Variants in GEN1 observed in about 807,000 individuals in gnomAD.
GEN1 encodes the protein flap endonuclease GEN homolog 1.
In GEN1, 64 loss-of-function variants were observed where a neutral mutation model predicts 67.6. The ratio of observed to expected loss-of-function variants is 0.95; its 90% CI spans 0.77 to 1.17. The LOEUF is 1.17. GEN1 is among the 50% of genes most tolerant of loss of function. The pLI is 0.00. For synonymous variants in GEN1, 371 were observed against 359.4 expected (o/e 1.03, Z -0.37); for missense variants, 1,058 against 1,048.3 (o/e 1.01, Z -0.13).
chr2:17,788,311 A>T lies in GEN1; in HGVS notation c.*6372A>T, dbSNP rs1673120537. The T allele has an allele frequency of 6.6e-6, 1 of 152,234 alleles. No homozygotes were observed. The highest frequency in any genetic ancestry group is 6.5e-5 in the Admixed American group (1 of 15,286). The allele number at this position is 152,234 out of a possible 1,614,324, so 9.4% of individuals were successfully genotyped here. On this transcript the variant is annotated 3_prime_UTR_variant, in exon 14 of 14. Coordinates refer to ENST00000381254, the MANE Select transcript of GEN1 (RefSeq NM_001130009.3). ...TTCAGGAACTTGCCACATTGCCTAT[A>T]AACTGACATGCTGCAGAGTCAGCCC...
At chr2:17,768,162 T>C (rs1051172060) in intron 5 of GEN1, among the ~76,000 whole-genome samples, 3 of 152,226 alleles carry the variant, frequency 2.0e-5, no homozygotes, top group African/African-American at 4.8e-5. Context: ...CATACACTTA[T>C]AGGGGCTGGA....
In GEN1 at chr2:17,778,289, CATGTGT is replaced by C. The variant is rs1428138462; in HGVS notation, c.1264+227_1264+232del. On this transcript the variant is annotated intron_variant, in intron 12 of 13. Transcript: ENST00000381254. ...GTGTACATATATGTATATACACACA[CATGTGT>C]GTGTACATATATGTATATACACACA... Among the ~76,000 whole-genome samples, 8 of 90,462 alleles carry C rather than the reference CATGTGT, an allele frequency of 8.8e-5. 2 individuals are homozygous for C. The highest frequency in any genetic ancestry group is 1.3e-4 in the Non-Finnish European group (6 of 45,962). The allele number at this position is 90,462 out of a possible 152,430, so 59.3% of individuals were successfully genotyped here. A position where few individuals can be genotyped will look rare whatever the true frequency, so the allele number is the denominator to read the frequency against.
chr2:17,756,464 T>G (rs1482212765), intron 1 of GEN1, among the ~76,000 whole-genome samples: 1 of 152,192 alleles, frequency 6.6e-6, no homozygotes, highest in Non-Finnish European at 1.5e-5. Context: ...ATATACTTAT[T>G]CATTATAAAA....
intron 11 of GEN1, among the ~76,000 whole-genome samples, chr2:17,777,451 C>G (rs1243808286): frequency 6.6e-6 from 1 of 151,950 alleles, no homozygotes; most frequent in Non-Finnish European, 1.5e-5. Context: ...ACTATCAAAC[C>G]AAAATAATAC....
intron 12 of GEN1, among the ~76,000 whole-genome samples, chr2:17,779,527 T>C (rs1039191677): frequency 1.2e-4 from 18 of 152,282 alleles, no homozygotes; most frequent in East Asian, 1.9e-4. Flanking sequence ...TATAGTGTTA[T>C]AAAGCAAGAT....
At chr2:17,774,138 G>A in intron 10 of GEN1, 133 bp from the exon 11 acceptor site, 1 of 406,828 alleles carries the variant, frequency 2.5e-6, no homozygotes, top group Admixed American at 4.3e-5. Context: ...GAGGCTCATT[G>A]TTTCTAGAAT....
Position 17,781,411 on chromosome 2 carries a change from A to T in GEN1, c.2199A>T (p.Arg733Ser). ...LPGIPLQNES[R>S]DSKILKGDQL... ...GAATTCCCTTGCAAAATGAATCCAG[A>T]GACTCTAAAATTCTAAAAGGAGACC... The change falls in exon 14 of 14, where the codon AGA becomes AGT. Residue 733 changes from arginine (R) to serine (S), a missense_variant. Physicochemically the swap from Arg to Ser is moderately radical, Grantham distance 110. Transcript: ENST00000381254. 1.9e-6 allele frequency: 3 copies of T among 1,613,718 alleles called. No individual in the cohort carries two copies. Among genetic ancestry groups the T allele is most frequent in the Non-Finnish European group, 2.5e-6 (3 of 1,179,904 alleles).
intron 3 of GEN1, among the ~76,000 whole-genome samples, chr2:17,762,567 T>C (rs1268085063): frequency 6.6e-6 from 1 of 152,202 alleles, no homozygotes; most frequent in Non-Finnish European, 1.5e-5. Flanking sequence ...ACATGATTTT[T>C]AACCTAGCCT....
intron 11 of GEN1, among the ~76,000 whole-genome samples, chr2:17,775,640 A>G (rs144350251): frequency 2.6e-5 from 4 of 152,328 alleles, no homozygotes; most frequent in Admixed American, 2.6e-4. Context: ...GCTGCAGAGA[A>G]AGGATAGTCA....
chr2:17,762,447 TC>T (rs954721266), intron 3 of GEN1, among the ~76,000 whole-genome samples: 1 of 152,094 alleles, frequency 6.6e-6, no homozygotes, highest in African/African-American at 2.4e-5. Context: ...GACTTCGTGA[TC>T]CGCCTGCCTC....
chr2:17,769,746 A>G (rs1672100113), intron 6 of GEN1, among the ~76,000 whole-genome samples: 1 of 152,190 alleles, frequency 6.6e-6, no homozygotes, highest in Non-Finnish European at 1.5e-5. Context: ...AAACTATGCT[A>G]TTTACTATCT....
chr2:17,765,649 C>A (rs1253695238), intron 4 of GEN1, among the ~76,000 whole-genome samples: 1 of 152,162 alleles, frequency 6.6e-6, no homozygotes, highest in Non-Finnish European at 1.5e-5. Context: ...TTTCTGCTAT[C>A]CCTCCCGAAA....
chr2:17,778,060 C>G lies in GEN1; in HGVS notation c.1261C>G (p.Pro421Ala). 6.3e-7 allele frequency: 1 copy of G among 1,582,902 alleles called. No homozygotes were observed. Among genetic ancestry groups the G allele is most frequent in the Non-Finnish European group, 8.7e-7 (1 of 1,154,616 alleles). ...VHCFEIEWEK[P>A]EHYAMEDKQH... ...TTGTTTTGAAATAGAATGGGAAAAG[C>G]CTGGTATGTATTCACTTTAAGCAAA... is the stretch of plus-strand genomic sequence containing the variant. Residue 421 changes from proline to alanine, a missense_variant, in exon 12 of 14, where the codon CCT becomes GCT. By Grantham distance (27) the Pro-to-Ala change is conservative. Coordinates refer to ENST00000381254, the MANE Select transcript of GEN1 (RefSeq NM_001130009.3).
Position 17,784,677 on chromosome 2 carries a change from A to C in GEN1, c.*2738A>C, listed in dbSNP as rs73218901. Reference sequence around the variant, plus strand: ...TCAACTCTTTAAGGACTGTATTGCAATGTTTTGAATATTCAGAGAGAAAAA... The same window carrying C: ...TCAACTCTTTAAGGACTGTATTGCACTGTTTTGAATATTCAGAGAGAAAAA... On this transcript the variant is annotated 3_prime_UTR_variant, in exon 14 of 14. Transcript: ENST00000381254. 1.3e-5 allele frequency: 2 copies of C among 151,684 alleles called. No individual in the cohort carries two copies. The highest frequency in any genetic ancestry group is 2.4e-5 in the African/African-American group (1 of 40,962). The allele number at this position is 151,684 out of a possible 1,614,324, so 9.4% of individuals were successfully genotyped here.
At chr2:17,763,643 C>T (rs1047587847) in intron 3 of GEN1, among the ~76,000 whole-genome samples, 1 of 152,162 alleles carries the variant, frequency 6.6e-6, no homozygotes, top group Non-Finnish European at 1.5e-5. Context: ...TTGCAACAGC[C>T]TTATAGGAAA....
Position 17,778,354 on chromosome 2 carries a change from G to A in GEN1, c.1264+291G>A, listed in dbSNP as rs1672628288. On this transcript the variant is annotated intron_variant, in intron 12 of 13. Coordinates refer to ENST00000381254, the MANE Select transcript of GEN1 (RefSeq NM_001130009.3). ...CATATATGTATACACACACATGTGTGTACATATATGTATATACACACACAT... is the reference window on the plus strand; with the variant it reads ...CATATATGTATACACACACATGTGTATACATATATGTATATACACACACAT... 4.1e-5 allele frequency among the ~76,000 whole-genome samples: 2 copies of A among 49,160 alleles called. 1 individual carries two copies. Among genetic ancestry groups the A allele is most frequent in the Non-Finnish European group, 8.0e-5 (2 of 25,028 alleles). The allele number at this position is 49,160 out of a possible 152,430, so 32.3% of individuals were successfully genotyped here.
chr2:17,761,714 AT>A, intron 3 of GEN1, 132 bp downstream of exon 3: 1 of 643,282 alleles, frequency 1.6e-6, no homozygotes, highest in Non-Finnish European at 2.5e-6. Flanking sequence ...AAAAGAGTTT[AT>A]TTTTTAGAGT....
intron 7 of GEN1, among the ~76,000 whole-genome samples, chr2:17,771,764 G>A (rs1417373301): frequency 6.8e-6 from 1 of 146,930 alleles, no homozygotes; most frequent in East Asian, 2.1e-4. Context: ...AAAATAGCTT[G>A]GATCTTCTTC....
At chr2:17,772,946 G>A (rs1672262773) in intron 8 of GEN1, 150 bp from the exon 9 acceptor site, 2 of 797,012 alleles carry the variant, frequency 2.5e-6, no homozygotes, top group Non-Finnish European at 4.0e-6. Flanking sequence ...CTAGGAGATA[G>A]TAATGTAATA....
Sources: gnomAD v4.1 joint callset for allele counts (sites outside exome capture counted in the v4.1 genomes callset) on GRCh38, gnomAD v4.1.1 for gene constraint, MANE v1.5 for transcripts, NCBI Gene and HGNC (gene_info 2026-07-23, HGNC 2026-07-21) for gene names.